The following PCDHGB1 variants were observed in gnomAD, a reference collection of about 807,000 sequenced individuals.
PCDHGB1 encodes the protein protocadherin gamma subfamily B, 1.
In PCDHGB1, 34 loss-of-function variants were observed where a neutral mutation model predicts 56.6. The observed-to-expected ratio is 0.60, with a 90% CI of 0.46 to 0.80. PCDHGB1 has a LOEUF of 0.80. PCDHGB1 is among the 30% of genes least tolerant of loss of function. The probability of loss-of-function intolerance (pLI) is 0.00; values close to 1 mark genes in which losing one functional copy is unlikely to be tolerated. For missense variants in PCDHGB1, 1,278 were observed against 1,204.6 expected, an observed-to-expected ratio of 1.06 and a Z score of -0.90; for synonymous variants, 561 against 505.9, an observed-to-expected ratio of 1.11 and a Z score of -1.46.
intron 1 of PCDHGB1, among the ~76,000 whole-genome samples, chr5:141,430,322 C>G (rs1266324669): frequency 6.7e-6 from 1 of 150,364 alleles, no homozygotes; most frequent in Non-Finnish European, 1.5e-5. Flanking sequence ...AGATTAAAAT[C>G]ATTGTTTATA....
Position 141,431,154 on chromosome 5 carries a change from A to G in PCDHGB1, c.2410-63653A>G, listed in dbSNP as rs754200786. ...AGGGACATTAACGACAATGCGCCTT[A>G]CTTTCGTGAAAGTGAATTAGAAATA... On this transcript the variant is annotated intron_variant, in intron 1 of 3. Coordinates refer to ENST00000523390, the MANE Select transcript of PCDHGB1 (RefSeq NM_018922.3). The surrounding 1 kb of genome is among the most constrained non-coding windows in gnomAD (Gnocchi z 4.8). 1.1e-5 allele frequency: 18 copies of G among 1,614,136 alleles called. No homozygotes were observed. In the East Asian group the frequency reaches 4.0e-4, roughly 36 times the overall value.
intron 1 of PCDHGB1, among the ~76,000 whole-genome samples, chr5:141,446,120 T>C (rs2098489182): frequency 6.6e-6 from 1 of 152,196 alleles, no homozygotes; most frequent in Admixed American, 6.5e-5. Flanking sequence ...AGGAAATGGG[T>C]TCAATAAGAC....
chr5:141,441,772 TG>T, intron 1 of PCDHGB1: 1 of 388,268 alleles, frequency 2.6e-6, no homozygotes, highest in South Asian at 2.0e-5. Flanking sequence ...CGCGTGTTGG[TG>T]GACGACCTGA....
chr5:141,383,433 C>T, intron 1 of PCDHGB1: 1 of 1,613,986 alleles, frequency 6.2e-7, no homozygotes, highest in East Asian at 2.2e-5. Context: ...ATCGCCACTT[C>T]TCCCTGGCTG....
Position 141,489,079 on chromosome 5 carries a change from C to CCCCA in PCDHGB1, c.2410-5727_2410-5726insCCAC. ...CTCCCCTCCCCCCTGCCCACCCCCGCCACTCGGTGACTAAGAACTGCTGCA... is the reference window on the plus strand; with the variant it reads ...CTCCCCTCCCCCCTGCCCACCCCCGCCCCACACTCGGTGACTAAGAACTGCTGCA... On this transcript the variant is annotated intron_variant, in intron 1 of 3. Transcript: ENST00000523390. This position sits in a 1 kb window ranked among gnomAD's most constrained non-coding sequence, Gnocchi z 4.5. The CCCCA allele has an allele frequency of 9.1e-6, 3 of 329,992 alleles. No homozygotes were observed. Among genetic ancestry groups the CCCCA allele is most frequent in the African/African-American group, 2.4e-5 (1 of 41,312 alleles). The allele number at this position is 329,992 out of a possible 1,614,324, so 20.4% of individuals were successfully genotyped here.
chr5:141,370,314 T>A, intron 1 of PCDHGB1: 4 of 1,280,798 alleles, frequency 3.1e-6, no homozygotes, highest in Non-Finnish European at 4.3e-6. Context: ...AGCAAATAGT[T>A]GGTCCTGCTC....
At chr5:141,390,114 G>A in intron 1 of PCDHGB1, 1 of 1,614,048 alleles carries the variant, frequency 6.2e-7, no homozygotes, top group African/African-American at 1.3e-5. Flanking sequence ...CTACAGCGAG[G>A]GGACTTTGCC....
intron 1 of PCDHGB1, chr5:141,423,835 C>T (rs1371309974): frequency 1.2e-5 from 15 of 1,278,290 alleles, no homozygotes; most frequent in African/African-American, 9.4e-5. Flanking sequence ...CATGAGATTA[C>T]GATAATCTTT....
intron 1 of PCDHGB1, chr5:141,395,843 A>T (rs570175269): frequency 2.0e-5 from 3 of 152,044 alleles, no homozygotes; most frequent in Non-Finnish European, 4.4e-5. Flanking sequence ...TTGGTGGGAG[A>T]TGAGACTGGT....
At chr5:141,428,146 C>T (rs549173211) in intron 1 of PCDHGB1, 15 of 1,589,346 alleles carry the variant, frequency 9.4e-6, no homozygotes, top group East Asian at 2.2e-5. Context: ...GGGCTGCACA[C>T]GGGAACCTGC....
intron 1 of PCDHGB1, chr5:141,362,286 C>T: frequency 6.2e-7 from 1 of 1,614,082 alleles, no homozygotes; most frequent in Non-Finnish European, 8.5e-7. Flanking sequence ...GCCTGCGACT[C>T]TCTTCCAGGT....
chr5:141,452,364 A>G (rs1330623001), intron 1 of PCDHGB1, among the ~76,000 whole-genome samples: 1 of 152,188 alleles, frequency 6.6e-6, no homozygotes, highest in African/African-American at 2.4e-5. Flanking sequence ...GCCTTGCTTC[A>G]TTTTAGTAGG....
At position 141,410,196 on chromosome 5, in the gene PCDHGB1, C is replaced by A. The variant is rs773310778; in HGVS notation, c.2409+57527C>A. 7.4e-6 allele frequency: 12 copies of A among 1,613,866 alleles called. No individual in the cohort carries two copies. In the South Asian group the frequency reaches 1.2e-4, roughly 16 times the overall value. On this transcript the variant is annotated intron_variant, in intron 1 of 3. Transcript: ENST00000523390. ...ACCGCCACGCTTCATCTGGTCTTCG[C>A]AGACAACTTGCAAGAGATACTGCCA... is the stretch of plus-strand genomic sequence containing the variant.
chr5:141,423,185 C>T (rs996177363), intron 1 of PCDHGB1: 7 of 1,613,492 alleles, frequency 4.3e-6, no homozygotes, highest in Non-Finnish European at 5.9e-6. Context: ...CACGGCCAGC[C>T]CCCTCTCTCG....
chr5:141,413,235 C>A, intron 1 of PCDHGB1: 1 of 1,613,954 alleles, frequency 6.2e-7, no homozygotes, highest in Non-Finnish European at 8.5e-7. Context: ...TGGTCCTGCT[C>A]TGCCTTTTCT....
chr5:141,361,081 A>G, intron 1 of PCDHGB1: 1 of 1,613,948 alleles, frequency 6.2e-7, no homozygotes, highest in Non-Finnish European at 8.5e-7. Context: ...AAGTAGTTAC[A>G]CTCTGAGTAT....
intron 1 of PCDHGB1, among the ~76,000 whole-genome samples, chr5:141,369,996 C>T (rs1292122597): frequency 6.6e-6 from 1 of 152,078 alleles, no homozygotes; most frequent in Non-Finnish European, 1.5e-5. Flanking sequence ...GGATAAAGCT[C>T]AAATTAAAAG....
At chr5:141,370,519 A>G (rs1766991925) in intron 1 of PCDHGB1, 1 of 1,613,730 alleles carries the variant, frequency 6.2e-7, no homozygotes, top group South Asian at 1.1e-5. Context: ...GAGGAGCTGG[A>G]CAGGGGCTCG....
rs2099643895 is a variant in PCDHGB1 at position 141,487,385 on chromosome 5, C to T, written c.2410-7422C>T. 1.9e-6 allele frequency: 3 copies of T among 1,614,160 alleles called. No homozygotes were observed. The highest frequency in any genetic ancestry group is 1.1e-5 in the South Asian group (1 of 91,086). On this transcript the variant is annotated intron_variant, in intron 1 of 3. Transcript: ENST00000523390. This position sits in a 1 kb window ranked among gnomAD's most constrained non-coding sequence, Gnocchi z 5.0. Reference sequence around the variant, plus strand: ...CACCTGTGCCTGTCTCACCAGATCTCGAAGGAGGGAGGGGCTTCCCCCTTC... The same window carrying T: ...CACCTGTGCCTGTCTCACCAGATCTTGAAGGAGGGAGGGGCTTCCCCCTTC...
Sources: allele counts gnomAD v4.1 joint callset (sites outside exome capture counted in the v4.1 genomes callset), GRCh38; gene constraint gnomAD v4.1.1; non-coding constraint Gnocchi (gnomAD v3.1); transcripts MANE v1.5; gene names NCBI Gene and HGNC (gene_info 2026-07-23, HGNC 2026-07-21).